Variants in CUBN observed in about 807,000 individuals in gnomAD.
The protein encoded by CUBN is 460 kDa receptor.
A neutral mutation model predicts 405.3 loss-of-function variants in CUBN; 282 were observed. The observed-to-expected ratio is 0.70, with a 90% CI of 0.63 to 0.77. The LOEUF (loss-of-function observed/expected upper bound fraction) is 0.77, where lower values mean the gene tolerates loss of function less well. Among genes scored for constraint, CUBN ranks in the 30% least tolerant of loss-of-function variants. The probability of loss-of-function intolerance (pLI) is 0.00; values close to 1 mark genes in which losing one functional copy is unlikely to be tolerated. For missense variants in CUBN, 4,514 were observed against 4,475.2 expected (o/e 1.01, Z -0.25); for synonymous variants, 1,684 against 1,617.0 (o/e 1.04, Z -0.99).
chr10:16,852,216 TATCTTTCCCTCCCTCC>T (rs1839732848), intron 59 of CUBN, among the ~76,000 whole-genome samples: 1 of 106,532 alleles, frequency 9.4e-6, no homozygotes. Flanking sequence ...TTCCTCACTC[TATCTTTCCCTCCCTCC>T]ATCTTTCCAT....
At chr10:17,121,193 T>C (rs933802349) in intron 6 of CUBN, among the ~76,000 whole-genome samples, 3 of 152,192 alleles carry the variant, frequency 2.0e-5, no homozygotes, top group South Asian at 2.1e-4. Context: ...ATTGAACTCA[T>C]AGACATATCT....
intron 27 of CUBN, among the ~76,000 whole-genome samples, chr10:17,029,895 G>A (rs1834753090): frequency 6.6e-6 from 1 of 152,176 alleles, no homozygotes; most frequent in African/African-American, 2.4e-5. Context: ...CAACACAGTG[G>A]GGCCAATTGA....
intron 51 of CUBN, among the ~76,000 whole-genome samples, chr10:16,902,973 C>T (rs966108453): frequency 6.6e-6 from 1 of 152,114 alleles, no homozygotes; most frequent in Non-Finnish European, 1.5e-5. Context: ...CTCCCATTGC[C>T]AAGGGAAGCA....
At chr10:16,977,478 G>T (rs1833133141) in intron 31 of CUBN, among the ~76,000 whole-genome samples, 1 of 152,126 alleles carries the variant, frequency 6.6e-6, no homozygotes, top group Non-Finnish European at 1.5e-5. Context: ...TCGGCCATGG[G>T]ACAGTGAACT....
intron 66 of CUBN, among the ~76,000 whole-genome samples, chr10:16,825,628 A>AGTGTGTGTGTGTGTGTGTGTGT (rs377156071): frequency 1.5e-5 from 2 of 135,926 alleles, no homozygotes; most frequent in African/African-American, 2.8e-5. Context: ...TCTGTGGAAC[A>AGTGTGTGTGTGTGTGTGTGTGT]GTGTGTGTGT....
chr10:16,977,296 C>T (rs1266777537), intron 31 of CUBN, among the ~76,000 whole-genome samples: 1 of 152,094 alleles, frequency 6.6e-6, no homozygotes, highest in African/African-American at 2.4e-5. Context: ...TGCCACACCC[C>T]CTTATCCTGT....
At chr10:17,062,073 C>T (rs1404192225) in intron 22 of CUBN, among the ~76,000 whole-genome samples, 3 of 152,170 alleles carry the variant, frequency 2.0e-5, no homozygotes, top group African/African-American at 4.8e-5. Context: ...CACCCATGCG[C>T]GGAGATACTA....
chr10:16,876,335 G>C (rs572603660), intron 57 of CUBN, among the ~76,000 whole-genome samples: 1 of 152,306 alleles, frequency 6.6e-6, no homozygotes, highest in South Asian at 2.1e-4. Context: ...AGCAACAAAT[G>C]CCTCTGTCCA....
At chr10:16,990,188 A>T (rs1833540060) in intron 29 of CUBN, 146 bp downstream of exon 29, 9 of 828,058 alleles carry the variant, frequency 1.1e-5, no homozygotes, top group Middle Eastern at 2.2e-4. Context: ...ATGTCTACCA[A>T]ATGATCACCG....
intron 7 of CUBN, among the ~76,000 whole-genome samples, chr10:17,114,735 G>A (rs1455232060): frequency 6.6e-6 from 1 of 152,196 alleles, no homozygotes; most frequent in East Asian, 1.9e-4. Context: ...AAAGTCATCA[G>A]GACGCAGGGC....
At chr10:16,952,154 C>T in intron 33 of CUBN, 122 bp downstream of exon 33, 3 of 734,566 alleles carry the variant, frequency 4.1e-6, no homozygotes, top group Non-Finnish European at 4.9e-6. Flanking sequence ...TTGGGACTTG[C>T]AAAAGATGAA....
intron 14 of CUBN, among the ~76,000 whole-genome samples, chr10:17,095,124 T>G (rs914349970): frequency 3.4e-4 from 51 of 152,088 alleles, no homozygotes; most frequent in African/African-American, 1.2e-3. Flanking sequence ...GAATTGATTT[T>G]TGACAAACAT....
intron 56 of CUBN, among the ~76,000 whole-genome samples, chr10:16,887,672 C>A (rs965637748): frequency 1.3e-5 from 2 of 152,164 alleles, no homozygotes; most frequent in East Asian, 3.9e-4. Flanking sequence ...TGGCAGTTTC[C>A]CAAAACATTA....
chr10:17,084,237 T>C (rs777607955), intron 17 of CUBN, 34 bp downstream of exon 17: 9 of 1,605,426 alleles, frequency 5.6e-6, no homozygotes, highest in Admixed American at 1.7e-5. Flanking sequence ...TGTTGATGAA[T>C]GTCATCTAAG....
chr10:17,099,685 T>A (rs1325935089), intron 14 of CUBN, among the ~76,000 whole-genome samples: 2 of 151,626 alleles, frequency 1.3e-5, no homozygotes, highest in Non-Finnish European at 2.9e-5. Context: ...TCCATCTCTA[T>A]AAAAAACACA....
chr10:16,831,273 T>A lies in CUBN; in HGVS notation c.10507A>T (p.Ile3503Phe). The change falls in exon 65 of 67, where the codon ATC (isoleucine) becomes TTC (phenylalanine). Residue 3503 changes from isoleucine (I) to phenylalanine (F), a missense_variant. By Grantham distance (21) the Ile-to-Phe change is conservative. Coordinates refer to ENST00000377833, the MANE Select transcript of CUBN (RefSeq NM_001081.4). Reference protein sequence around the residue: ...SVTSDRGYEIIWTSSPSGCGG... With the variant: ...SVTSDRGYEIFWTSSPSGCGG... The stretch of plus-strand genomic sequence containing the variant: ...TTACCAGAGGGTGATGAAGTCCAGA[T>A]GATTTCATATCCACGATCAGAAGTT... The A allele has an allele frequency of 6.2e-7, 1 of 1,614,082 alleles. No individual in the cohort carries two copies. The highest frequency in any genetic ancestry group is 1.1e-5 in the South Asian group (1 of 91,084).
intron 60 of CUBN, among the ~76,000 whole-genome samples, chr10:16,841,748 C>T (rs1427313673): frequency 6.6e-6 from 1 of 151,948 alleles, no homozygotes; most frequent in Non-Finnish European, 1.5e-5. Context: ...CAGGTCTTTA[C>T]TCACATATCC....
intron 59 of CUBN, among the ~76,000 whole-genome samples, chr10:16,863,699 A>G (rs1840082271): frequency 6.6e-6 from 1 of 152,220 alleles, no homozygotes; most frequent in Non-Finnish European, 1.5e-5. Flanking sequence ...TGAATTGGAC[A>G]TGTTAGATTT....
intron 27 of CUBN, among the ~76,000 whole-genome samples, chr10:17,033,867 C>T (rs1474112670): frequency 2.0e-5 from 3 of 152,118 alleles, no homozygotes; most frequent in Admixed American, 1.3e-4. Context: ...CCCATGAGCC[C>T]GATGTTTCTC....
Sources: gnomAD v4.1 joint callset for allele counts (sites outside exome capture counted in the v4.1 genomes callset) on GRCh38, gnomAD v4.1.1 for gene constraint, MANE v1.5 for transcripts, NCBI Gene and HGNC (gene_info 2026-07-23, HGNC 2026-07-21) for gene names.